Variants in RBFOX1 observed in about 807,000 individuals in gnomAD.
The protein encoded by RBFOX1 is RNA binding fox-1 homolog 1.
In RBFOX1, 8 loss-of-function variants were observed where a neutral mutation model predicts 57.7. The ratio of observed to expected loss-of-function variants is 0.14; its 90% CI spans 0.08 to 0.25. The LOEUF (loss-of-function observed/expected upper bound fraction) is 0.25. Ranked by LOEUF, RBFOX1 falls within the 10% of genes least tolerant of loss-of-function variation. RBFOX1 has a pLI of 1.00. For synonymous variants in RBFOX1, 326 were observed against 222.4 expected (o/e 1.47, Z -4.15); for missense variants, 611 against 548.5 (o/e 1.11, Z -1.14).
chr16:6,488,510 G>A lies in RBFOX1; in HGVS notation c.-63-166093G>A, dbSNP rs1401517466. On this transcript the variant is annotated intron_variant, in intron 2 of 15. Transcript: ENST00000550418. ...TCTGTTCTTACAACTCTGCAAGGTA[G>A]GTATTACCATGCCTAATTTAGAGAT... Among the ~76,000 whole-genome samples, 5 of 152,068 alleles carry A rather than the reference G, an allele frequency of 3.3e-5. No individual in the cohort carries two copies. The South Asian group carries it at 6.2e-4, about 19-fold the overall frequency.
intron 2 of RBFOX1, among the ~76,000 whole-genome samples, chr16:5,477,243 G>A (rs1279827590): frequency 6.6e-6 from 1 of 152,090 alleles, no homozygotes; most frequent in East Asian, 1.9e-4. Flanking sequence ...GATATTTTTG[G>A]TGCCTGTATT....
intron 1 of RBFOX1, among the ~76,000 whole-genome samples, chr16:6,203,739 T>G (rs1327385418): frequency 6.6e-6 from 1 of 152,180 alleles, no homozygotes; most frequent in Non-Finnish European, 1.5e-5. Context: ...CCCTTGTCTC[T>G]TGTGTGTTCA....
intron 3 of RBFOX1, among the ~76,000 whole-genome samples, chr16:6,925,680 C>G (rs190963972): frequency 6.6e-6 from 1 of 151,972 alleles, no homozygotes; most frequent in African/African-American, 2.4e-5. Context: ...GCGTTAACAG[C>G]TTGATATTTG....
At chr16:6,810,095 GTATC>G (rs2088073451) in intron 3 of RBFOX1, among the ~76,000 whole-genome samples, 1 of 151,150 alleles carries the variant, frequency 6.6e-6, no homozygotes, top group African/African-American at 2.4e-5. Flanking sequence ...AAGGAAACTG[GTATC>G]TATCTTTTCT....
intron 1 of RBFOX1, among the ~76,000 whole-genome samples, chr16:6,179,865 G>T (rs1010680064): frequency 7.2e-5 from 11 of 152,148 alleles, no homozygotes; most frequent in Non-Finnish European, 1.6e-4. Flanking sequence ...GTAGTATTTT[G>T]TAGATGCCCT....
intron 2 of RBFOX1, among the ~76,000 whole-genome samples, chr16:6,565,933 T>C (rs2097259450): frequency 6.6e-6 from 1 of 152,246 alleles, no homozygotes; most frequent in Non-Finnish European, 1.5e-5. Flanking sequence ...GTTTTTGTTT[T>C]TGTTTTTTTC....
intron 1 of RBFOX1, among the ~76,000 whole-genome samples, chr16:6,094,574 G>A (rs562911914): frequency 1.3e-5 from 2 of 152,204 alleles, no homozygotes; most frequent in Non-Finnish European, 2.9e-5. Flanking sequence ...GAAAGGGCTA[G>A]TTTTGAAGCA....
intron 1 of RBFOX1, among the ~76,000 whole-genome samples, chr16:6,174,379 G>C (rs779388903): frequency 2.0e-5 from 3 of 152,114 alleles, no homozygotes; most frequent in Non-Finnish European, 2.9e-5. Context: ...CAGATCACCT[G>C]AGGCCAGGAG....
At chr16:7,539,928 T>G (rs770288324) in intron 5 of RBFOX1, among the ~76,000 whole-genome samples, 12 of 152,228 alleles carry the variant, frequency 7.9e-5, no homozygotes, top group Admixed American at 2.0e-4. Flanking sequence ...GAGGTAGGCA[T>G]TTCCTGGGTT....
At chr16:5,804,670 AG>A (rs1406628864) in intron 3 of RBFOX1, among the ~76,000 whole-genome samples, 1 of 152,108 alleles carries the variant, frequency 6.6e-6, no homozygotes, top group Non-Finnish European at 1.5e-5. Context: ...CCATTGTGAA[AG>A]CCTGGTCCTA....
At chr16:5,521,355 G>C (rs548495441) in intron 2 of RBFOX1, among the ~76,000 whole-genome samples, 30 of 151,714 alleles carry the variant, frequency 2.0e-4, no homozygotes, top group Non-Finnish European at 4.0e-4. Flanking sequence ...TTGCTGTTGG[G>C]GGTGGGGTGG....
intron 4 of RBFOX1, among the ~76,000 whole-genome samples, chr16:7,374,568 C>A (rs867131017): frequency 6.6e-6 from 1 of 152,112 alleles, no homozygotes; most frequent in Non-Finnish European, 1.5e-5. Context: ...ACCCCACCCC[C>A]ACATTTTTAA....
intron 3 of RBFOX1, among the ~76,000 whole-genome samples, chr16:6,893,978 A>G (rs1007369564): frequency 6.6e-6 from 1 of 152,164 alleles, no homozygotes; most frequent in African/African-American, 2.4e-5. Context: ...GATGTCTTCT[A>G]ATATCCCAAA....
At chr16:6,537,695 T>C (rs1490475036) in intron 2 of RBFOX1, among the ~76,000 whole-genome samples, 1 of 152,196 alleles carries the variant, frequency 6.6e-6, no homozygotes, top group Non-Finnish European at 1.5e-5. Flanking sequence ...CTCTTACAAA[T>C]ATTAATTGAG....
At chr16:7,581,906 G>A (rs2152851327) in intron 6 of RBFOX1, among the ~76,000 whole-genome samples, 1 of 151,896 alleles carries the variant, frequency 6.6e-6, no homozygotes, top group Middle Eastern at 3.4e-3. Context: ...TAATAGAGAT[G>A]GGGTCTCAAT....
chr16:5,885,748 T>G (rs2057882551), intron 4 of RBFOX1, among the ~76,000 whole-genome samples: 1 of 152,170 alleles, frequency 6.6e-6, no homozygotes. Context: ...AGTGATTTTC[T>G]TACTTAGGCA....
rs187472419 is a variant in RBFOX1, at chr16:7,028,915, T to C, written c.-15-23142T>C. 6.6e-5 allele frequency among the ~76,000 whole-genome samples: 10 copies of C among 150,950 alleles called. 1 individual carries two copies. The highest frequency in any genetic ancestry group is 4.6e-4 in the Admixed American group (7 of 15,100). On this transcript the variant is annotated intron_variant, in intron 3 of 15. Coordinates refer to ENST00000550418, the MANE Select transcript of RBFOX1 (RefSeq NM_018723.4). ...CTCAGCTATGTGTTGCTAGGAAAGT[T>C]TGCAAGCATCTATGAAATAATGAAA...
At chr16:6,031,801 C>G (rs181788199) in intron 1 of RBFOX1, among the ~76,000 whole-genome samples, 1 of 152,224 alleles carries the variant, frequency 6.6e-6, no homozygotes, top group East Asian at 1.9e-4. Flanking sequence ...CAGAGCATAG[C>G]TCTGTTTTGC....
chr16:6,319,579 G>T (rs994468634), intron 2 of RBFOX1, among the ~76,000 whole-genome samples: 3 of 152,088 alleles, frequency 2.0e-5, no homozygotes, highest in Admixed American at 1.3e-4. Context: ...TCTGATGGTT[G>T]GTTTCTATTC....
Sources: gnomAD v4.1 joint callset for allele counts (sites outside exome capture counted in the v4.1 genomes callset) on GRCh38, gnomAD v4.1.1 for gene constraint, MANE v1.5 for transcripts, NCBI Gene and HGNC (gene_info 2026-07-23, HGNC 2026-07-21) for gene names.